The following VWA8 variants were observed in gnomAD, a reference collection of about 807,000 sequenced individuals.
VWA8 encodes the protein von Willebrand factor A domain containing 8.
In VWA8, 221 loss-of-function variants were observed where a neutral mutation model predicts 241.5. That is an observed-to-expected ratio of 0.91 (90% confidence interval 0.82 to 1.02). The LOEUF (loss-of-function observed/expected upper bound fraction) is 1.02, where lower values mean the gene tolerates loss of function less well. VWA8 is among the 50% of genes least tolerant of loss of function. VWA8 has a pLI of 0.00. For missense variants in VWA8, 2,322 were observed against 2,328.7 expected (o/e 1.00, Z 0.06); for synonymous variants, 852 against 827.1 (o/e 1.03, Z -0.52).
At chr13:41,904,007 T>G (rs913687073) in intron 4 of VWA8, among the ~76,000 whole-genome samples, 6 of 152,194 alleles carry the variant, frequency 3.9e-5, no homozygotes, top group African/African-American at 1.4e-4. Context: ...CTCATCAGAA[T>G]GAGCAGGATT....
rs530074918 is a variant in VWA8, at chr13:41,678,778, T to C, written c.4328-3482A>G. 1.3e-4 allele frequency among the ~76,000 whole-genome samples: 20 copies of C among 152,242 alleles called. No homozygotes were observed. The South Asian group carries it at 4.1e-3, about 32-fold the overall frequency. On this transcript the variant is annotated intron_variant, in intron 35 of 44. Coordinates refer to ENST00000379310, the MANE Select transcript of VWA8 (RefSeq NM_015058.2). ...TGACAGTGTCTACTATTTCAAGAAGTAGAAAGCAAGAATTTTACTCCTGGT... is the reference window on the plus strand; with the variant it reads ...TGACAGTGTCTACTATTTCAAGAAGCAGAAAGCAAGAATTTTACTCCTGGT...
chr13:41,675,257 G>A lies in VWA8; in HGVS notation c.4367C>T (p.Thr1456Ile). ...TCGGAGTTTCTTTGATTGAAGATCA[G>A]TGACTTCTATATAACCAGATGTTTG... ...PPQTSGYIEV[T>I]DLQSKKLRYI... Residue 1456 changes from threonine to isoleucine, a missense_variant, in exon 36 of 45, where the codon ACT becomes ATT. Transcript: ENST00000379310. 6.2e-7 allele frequency: 1 copy of A among 1,613,318 alleles called. No individual in the cohort carries two copies. The highest frequency in any genetic ancestry group is 8.5e-7 in the Non-Finnish European group (1 of 1,179,520).
At chr13:41,700,901 A>T (rs768164131) in intron 28 of VWA8, among the ~76,000 whole-genome samples, 20 of 152,312 alleles carry the variant, frequency 1.3e-4, no homozygotes, top group Non-Finnish European at 2.2e-4. Flanking sequence ...TTCTGCCAAA[A>T]TGTACCCAGG....
At chr13:41,660,908 G>C (rs564341047) in intron 37 of VWA8, among the ~76,000 whole-genome samples, 1 of 149,394 alleles carries the variant, frequency 6.7e-6, no homozygotes, top group Non-Finnish European at 1.5e-5. Context: ...ACGGAGTCTC[G>C]CTCTATTGCC....
chr13:41,692,796 C>G, intron 30 of VWA8, 66 bp downstream of exon 30: 2 of 1,295,542 alleles, frequency 1.5e-6, no homozygotes, highest in Middle Eastern at 1.9e-4. Flanking sequence ...GGCATGCATG[C>G]ATCTTTCTGG....
chr13:41,680,688 G>A (rs952386155), intron 35 of VWA8, among the ~76,000 whole-genome samples: 2 of 152,132 alleles, frequency 1.3e-5, no homozygotes, highest in Non-Finnish European at 2.9e-5. Flanking sequence ...ATTAGGATGG[G>A]ATGGACCAGG....
At chr13:41,635,405 C>T (rs2044750370) in intron 37 of VWA8, among the ~76,000 whole-genome samples, 1 of 152,138 alleles carries the variant, frequency 6.6e-6, no homozygotes, top group Non-Finnish European at 1.5e-5. Context: ...AAAGTGTTTG[C>T]ATCTGAGCTA....
chr13:41,773,915 T>C (rs1305102368), intron 20 of VWA8, among the ~76,000 whole-genome samples: 2 of 152,188 alleles, frequency 1.3e-5, no homozygotes, highest in African/African-American at 4.8e-5. Context: ...TATAGAACTA[T>C]ATCCAGTTGA....
intron 37 of VWA8, among the ~76,000 whole-genome samples, chr13:41,627,769 C>T (rs1566393452): frequency 6.6e-6 from 1 of 152,146 alleles, no homozygotes; most frequent in Non-Finnish European, 1.5e-5. Context: ...CCTGCCTCCA[C>T]TAGATAGAGC....
intron 20 of VWA8, among the ~76,000 whole-genome samples, chr13:41,763,851 G>A (rs1029943269): frequency 2.0e-5 from 3 of 152,112 alleles, no homozygotes; most frequent in Admixed American, 1.3e-4. Context: ...AGCAAGGCAC[G>A]ATTTAGGAGT....
At chr13:41,585,661 C>G (rs1005732112) in intron 42 of VWA8, among the ~76,000 whole-genome samples, 3 of 151,874 alleles carry the variant, frequency 2.0e-5, no homozygotes, top group African/African-American at 7.3e-5. Flanking sequence ...GTCAGGAGTT[C>G]GAGACCAGCC....
chr13:41,718,783 C>A (rs2045363246), intron 26 of VWA8, among the ~76,000 whole-genome samples: 1 of 151,448 alleles, frequency 6.6e-6, no homozygotes, highest in Non-Finnish European at 1.5e-5. Context: ...ATATTTAACA[C>A]ATTTTTTTCT....
chr13:41,672,642 G>C (rs1314037624), intron 36 of VWA8, among the ~76,000 whole-genome samples: 2 of 152,090 alleles, frequency 1.3e-5, no homozygotes, highest in Non-Finnish European at 2.9e-5. Context: ...ACTAAACACA[G>C]AGTGACAAGG....
At chr13:41,728,220 AGTTT>A (rs537509428) in intron 23 of VWA8, among the ~76,000 whole-genome samples, 228 of 152,230 alleles carry the variant, frequency 1.5e-3, no homozygotes, top group African/African-American at 5.2e-3. Flanking sequence ...TACAACCAAT[AGTTT>A]TAACTGTGAT....
At chr13:41,712,931 T>C (rs564554083) in intron 26 of VWA8, among the ~76,000 whole-genome samples, 1 of 152,380 alleles carries the variant, frequency 6.6e-6, no homozygotes, top group East Asian at 1.9e-4. Context: ...TTTTTATTTT[T>C]GCTGCTTTAA....
intron 37 of VWA8, among the ~76,000 whole-genome samples, chr13:41,649,479 AG>A (rs1309732555): frequency 5.3e-5 from 8 of 152,132 alleles, no homozygotes; most frequent in Admixed American, 6.5e-5. Flanking sequence ...TATGAATTAT[AG>A]TCAGGCAGAT....
rs1184893487 is a variant in VWA8 at position 41,907,656 on chromosome 13, C to T, written c.413G>A (p.Arg138Lys). The T allele has an allele frequency of 6.2e-7, 1 of 1,614,012 alleles. No individual in the cohort carries two copies. The highest frequency in any genetic ancestry group is 1.3e-5 in the African/African-American group (1 of 74,928). Residue 138 changes from arginine to lysine, a missense_variant, in exon 4 of 45, where the codon AGG becomes AAG. Arg to Lys is a conservative substitution (Grantham distance 26). Coordinates refer to ENST00000379310, the MANE Select transcript of VWA8 (RefSeq NM_015058.2). ...TTTGAGATCAGTTTCAGTGGTGTCC[C>T]TTGACAGGGCAATGTATTCGACCTC... ...KREVEYIALS[R>K]DTTETDLKQR...
chr13:41,653,142 G>C (rs199802425), intron 37 of VWA8, among the ~76,000 whole-genome samples: 1 of 152,258 alleles, frequency 6.6e-6, no homozygotes, highest in East Asian at 1.9e-4. Flanking sequence ...GTCTATCTCT[G>C]ACCAAATCTT....
chr13:41,784,588 T>TG (rs67919924), intron 18 of VWA8, among the ~76,000 whole-genome samples: 150,231 of 150,232 alleles, frequency 1, 75,115 homozygotes, highest in Middle Eastern at 1. Context: ...TGCTTGAGCC[T>TG]GGAGGTTGAG....
Sources: allele counts gnomAD v4.1 joint callset (sites outside exome capture counted in the v4.1 genomes callset), GRCh38; gene constraint gnomAD v4.1.1; transcripts MANE v1.5; gene names NCBI Gene and HGNC (gene_info 2026-07-23, HGNC 2026-07-21).